UPRT: variants seen among roughly 807,000 people sequenced by gnomAD.
UPRT encodes the protein RP11-311P8.3.
UPRT carries 5 observed loss-of-function variants against 22.6 expected under a neutral mutation model. The observed-to-expected ratio is 0.22, with a 90% CI of 0.12 to 0.47. The LOEUF is 0.47. Ranked by LOEUF, UPRT falls within the 20% of genes least tolerant of loss-of-function variation. UPRT has a pLI of 0.99. For synonymous variants in UPRT, 77 were observed against 87.7 expected, an observed-to-expected ratio of 0.88 and a Z score of 0.68; for missense variants, 181 against 239.9, an observed-to-expected ratio of 0.75 and a Z score of 1.62.
At position 75,274,088 on chromosome X, in the gene UPRT, G is replaced by T. The variant is rs1428993650; in HGVS notation, c.-167G>T. On this transcript the variant is annotated 5_prime_UTR_variant, in exon 1 of 7. Transcript: ENST00000373383. Reference sequence around the variant, plus strand: ...CTGGTGTGGGCGGGAGTGAGCCAAAGTGTGCTAAAGGAAACCAACAGCGGC... The same window carrying T: ...CTGGTGTGGGCGGGAGTGAGCCAAATTGTGCTAAAGGAAACCAACAGCGGC... The T allele has an allele frequency of 1.2e-5, 9 of 728,011 alleles. No homozygotes were observed. The highest frequency in any genetic ancestry group is 1.7e-5 in the Non-Finnish European group (9 of 518,912). 60.0% of individuals were successfully genotyped at this position (728,011 alleles called of 1,213,427 possible).
intron 4 of UPRT, among the ~76,000 whole-genome samples, chrX:75,240,353 C>CA (rs888514932): frequency 1.8e-5 from 2 of 110,472 alleles, no homozygotes; most frequent in African/African-American, 3.3e-5. Context: ...ACAACAGCTG[C>CA]AAAAAACAAA....
intron 4 of UPRT, among the ~76,000 whole-genome samples, chrX:75,197,198 T>C (rs1207367622): frequency 1.8e-5 from 2 of 111,834 alleles, no homozygotes; most frequent in Non-Finnish European, 3.8e-5. Context: ...CCTCCAAATT[T>C]ACAATACTTA....
At chrX:75,245,064 C>T (rs2082499948) in intron 4 of UPRT, among the ~76,000 whole-genome samples, 1 of 110,175 alleles carries the variant, frequency 9.1e-6, no homozygotes, top group South Asian at 3.8e-4. Flanking sequence ...TTAAAAAAAA[C>T]TGAACAAATC....
At chrX:75,172,782 C>T (rs759268187) in intron 4 of UPRT, among the ~76,000 whole-genome samples, 1 of 109,680 alleles carries the variant, frequency 9.1e-6, no homozygotes, top group Non-Finnish European at 1.9e-5. Context: ...TTTTTCCTCC[C>T]GGTGGGCTCG....
chrX:75,262,065 A>G (rs914238572), intron 4 of UPRT, among the ~76,000 whole-genome samples: 27 of 111,922 alleles, frequency 2.4e-4, no homozygotes, highest in African/African-American at 8.8e-4. Flanking sequence ...AAAGAAGCCC[A>G]TCAGACTAAC....
chrX:75,162,216 T>C (rs571122495), intron 2 of UPRT, among the ~76,000 whole-genome samples: 1 of 108,938 alleles, frequency 9.2e-6, no homozygotes. Flanking sequence ...CCTCCCAAAG[T>C]GCTGAGATTA....
chrX:75,274,736 C>T, intron 1 of UPRT, 96 bp downstream of exon 1: 1 of 1,002,630 alleles, frequency 1.0e-6, no homozygotes, highest in Non-Finnish European at 1.3e-6. Context: ...TGTTCTTGGC[C>T]TTGGCAAACT....
intron 3 of UPRT, among the ~76,000 whole-genome samples, chrX:75,164,106 G>A (rs2082207147): frequency 1.8e-5 from 2 of 111,421 alleles, no homozygotes; most frequent in African/African-American, 3.3e-5. Context: ...GAACTCAGGA[G>A]GCAGAAGTTG....
At chrX:75,207,665 T>G (rs933833689) in intron 4 of UPRT, among the ~76,000 whole-genome samples, 32 of 111,883 alleles carry the variant, frequency 2.9e-4, no homozygotes, top group Non-Finnish European at 2.8e-4. Flanking sequence ...TATGAAGTTC[T>G]GCAAGTTATG....
chrX:75,274,864 AC>A, intron 1 of UPRT: 1 of 396,757 alleles, frequency 2.5e-6, no homozygotes, highest in East Asian at 4.1e-5. Context: ...CCGGTGTCTA[AC>A]ATCACTTTGG....
At chrX:75,204,553 A>C (rs1443032534) in intron 4 of UPRT, among the ~76,000 whole-genome samples, 1 of 112,289 alleles carries the variant, frequency 8.9e-6, no homozygotes, top group African/African-American at 3.2e-5. Context: ...TCTAGGTTGA[A>C]TAGCTGTTAA....
intron 4 of UPRT, among the ~76,000 whole-genome samples, chrX:75,168,757 G>A (rs1569257329): frequency 9.0e-6 from 1 of 111,121 alleles, no homozygotes; most frequent in East Asian, 2.8e-4. Context: ...TTGAACTACC[G>A]ACCCCAGGTG....
intron 4 of UPRT, among the ~76,000 whole-genome samples, chrX:75,265,786 GT>G (rs2147673857): frequency 9.0e-6 from 1 of 111,111 alleles, no homozygotes; most frequent in Non-Finnish European, 1.9e-5. Flanking sequence ...TTTTTCTGCT[GT>G]TTTTCCCCCA....
chrX:75,189,675 G>A (rs1027123204), intron 4 of UPRT, among the ~76,000 whole-genome samples: 1 of 112,089 alleles, frequency 8.9e-6, no homozygotes, highest in African/African-American at 3.2e-5. Flanking sequence ...CCTGTATTGG[G>A]TGCATATATG....
At chrX:75,216,813 G>A (rs1275135751) in intron 4 of UPRT, among the ~76,000 whole-genome samples, 5 of 112,162 alleles carry the variant, frequency 4.5e-5, no homozygotes, top group African/African-American at 1.6e-4. Context: ...GGAGTGCAGC[G>A]GCGCAATCTC....
At position 75,199,744 on chromosome X, in the gene UPRT, A is replaced by T. The variant is rs184932839; in HGVS notation, c.-447+31865A>T. On this transcript the variant is annotated intron_variant, in intron 4 of 13. Transcript: ENST00000652605. ...TGGGGTCCGCAATTCTTTAAAAAAA[A>T]TTTTTTTTTATTATTATACTTTAAG... 5.6e-3 allele frequency among the ~76,000 whole-genome samples: 619 copies of T among 110,771 alleles called. 2 individuals are homozygous for T. Among genetic ancestry groups the T allele is most frequent in the African/African-American group, 0.014 (424 of 30,415 alleles).
At chrX:75,262,284 G>T (rs2082571152) in intron 4 of UPRT, among the ~76,000 whole-genome samples, 2 of 111,665 alleles carry the variant, frequency 1.8e-5, no homozygotes, top group South Asian at 3.8e-4. Flanking sequence ...CCTGAAGGAA[G>T]CACTAAACAT....
chrX:75,234,529 C>T (rs1164461666), intron 4 of UPRT, among the ~76,000 whole-genome samples: 1 of 111,361 alleles, frequency 9.0e-6, no homozygotes, highest in Non-Finnish European at 1.9e-5. Context: ...TGACCACATA[C>T]TTGGAAGTAA....
chrX:75,289,443 GAA>G (rs35957340), intron 1 of UPRT, among the ~76,000 whole-genome samples: 2,104 of 102,029 alleles, frequency 0.021, 51 homozygotes, highest in African/African-American at 0.064. Context: ...CTCAGAATTG[GAA>G]AAAAAAAAAA....
Sources: allele counts gnomAD v4.1 joint callset (sites outside exome capture counted in the v4.1 genomes callset), GRCh38; gene constraint gnomAD v4.1.1; transcripts MANE v1.5; gene names NCBI Gene and HGNC (gene_info 2026-07-23, HGNC 2026-07-21).